The following GRIP2 variants were observed in gnomAD, a reference collection of about 807,000 sequenced individuals.
The protein encoded by GRIP2 is glutamate receptor-interacting protein 2.
Under a neutral mutation model 108.3 loss-of-function variants are expected in GRIP2, and 58 were observed. The observed-to-expected ratio is 0.54, with a 90% CI of 0.43 to 0.67. GRIP2 has a LOEUF of 0.67. Among genes scored for constraint, GRIP2 ranks in the 30% least tolerant of loss-of-function variants. The pLI, the probability that GRIP2 is intolerant of heterozygous loss-of-function variation, is 0.00. For synonymous variants in GRIP2, 586 were observed against 598.2 expected, an observed-to-expected ratio of 0.98 and a Z score of 0.30; for missense variants, 1,278 against 1,430.6, an observed-to-expected ratio of 0.89 and a Z score of 1.72.
the GRIP2 span, among the ~76,000 whole-genome samples, chr3:14,564,860 G>T: frequency 1.3e-5 from 2 of 152,330 alleles, no homozygotes; most frequent in East Asian, 1.9e-4. Flanking sequence ...GCCTGAAGCC[G>T]AGTGGGAATC....
intron 1 of GRIP2, among the ~76,000 whole-genome samples, chr3:14,547,521 G>C (rs993890111): frequency 1.3e-5 from 2 of 152,206 alleles, no homozygotes; most frequent in Non-Finnish European, 2.9e-5. Flanking sequence ...ATAAATAGGT[G>C]CCTCAAATGG....
chr3:14,599,717 G>GTT, the GRIP2 span, among the ~76,000 whole-genome samples: 2 of 146,490 alleles, frequency 1.4e-5, no homozygotes, highest in African/African-American at 5.0e-5. Context: ...GTGTGTTTGT[G>GTT]TGTGTGTGTG....
At chr3:14,546,677 G>T (rs891059906), upstream of GRIP2, among the ~76,000 whole-genome samples, 2 of 152,226 alleles carry the variant, frequency 1.3e-5, no homozygotes, top group South Asian at 2.1e-4. Context: ...ACAGGGCGTG[G>T]AGGGCAAATG....
intron 1 of GRIP2, among the ~76,000 whole-genome samples, chr3:14,526,704 C>T (rs1391244134): frequency 6.6e-6 from 1 of 152,138 alleles, no homozygotes; most frequent in Non-Finnish European, 1.5e-5. Context: ...TCATATTTTC[C>T]ATGTCTTCTT....
intron 1 of GRIP2, among the ~76,000 whole-genome samples, chr3:14,548,550 G>A (rs1015327185): frequency 6.6e-6 from 1 of 152,204 alleles, no homozygotes; most frequent in African/African-American, 2.4e-5. Flanking sequence ...ACCGGCTTTG[G>A]TGCCAGCGTC....
chr3:14,572,644 G>C, the GRIP2 span, among the ~76,000 whole-genome samples: 1 of 145,170 alleles, frequency 6.9e-6, no homozygotes, highest in African/African-American at 2.5e-5. Flanking sequence ...ACACAAGCTA[G>C]AAGATTATCA....
chr3:14,534,750 C>G (rs1389645736), intron 1 of GRIP2, among the ~76,000 whole-genome samples: 2 of 152,062 alleles, frequency 1.3e-5, no homozygotes, highest in Non-Finnish European at 2.9e-5. Context: ...CACGCTGCAG[C>G]CGGGGTGGGT....
chr3:14,566,708 C>G, the GRIP2 span, among the ~76,000 whole-genome samples: 2 of 152,152 alleles, frequency 1.3e-5, no homozygotes, highest in Non-Finnish European at 2.9e-5. Context: ...AGCCCCTGAC[C>G]CCTCCAATCT....
At chr3:14,515,988 ATAAT>A (rs1343555731) in intron 11 of GRIP2, among the ~76,000 whole-genome samples, 3 of 152,094 alleles carry the variant, frequency 2.0e-5, no homozygotes, top group Admixed American at 6.6e-5. Context: ...ACTATGCCCC[ATAAT>A]TAATTAATTA....
chr3:14,522,333 T>G lies in GRIP2; in HGVS notation c.567-546A>C, dbSNP rs1472269832. 1 of 152,160 alleles carries G rather than the reference T, an allele frequency of 6.6e-6. No homozygotes were observed. Among genetic ancestry groups the G allele is most frequent in the Non-Finnish European group, 1.5e-5 (1 of 68,620 alleles). 9.4% of individuals were successfully genotyped at this position (152,160 alleles called of 1,614,324 possible). Reference sequence around the variant, plus strand: ...GGGAGGGGCCCCAGCAGGGTTCACCTCGGTTTGGGTCGCATCCCCAGCCTG... The same window carrying G: ...GGGAGGGGCCCCAGCAGGGTTCACCGCGGTTTGGGTCGCATCCCCAGCCTG... On this transcript the variant is annotated intron_variant, in intron 6 of 23. Coordinates refer to ENST00000621039, the MANE Select transcript of GRIP2 (RefSeq NM_001080423.4). This position sits in a 1 kb window ranked among gnomAD's most constrained non-coding sequence, Gnocchi z 4.3.
the GRIP2 span, among the ~76,000 whole-genome samples, chr3:14,602,586 G>T: frequency 6.6e-6 from 1 of 151,580 alleles, no homozygotes; most frequent in Admixed American, 6.6e-5. The surrounding 1 kb of genome is among the most constrained non-coding windows in gnomAD (Gnocchi z 4.7). Flanking sequence ...AGCCCGACCC[G>T]CCGGCCGGGC....
chr3:14,525,549 C>T lies in GRIP2; in HGVS notation c.145G>A (p.Val49Met), dbSNP rs1559345783. The T allele has an allele frequency of 6.2e-7, 1 of 1,613,844 alleles. No homozygotes were observed. Among genetic ancestry groups the T allele is most frequent in the Non-Finnish European group, 8.5e-7 (1 of 1,179,854 alleles). ...IPEEFRGITVVELIKKEGSTL... is the reference protein window; with the variant it reads ...IPEEFRGITVMELIKKEGSTL... ...CTGCCTTCTTTCTTGATCAGCTCCACCACAGTGATCCCTCGGAACTCCTCT... is the reference window on the plus strand; with the variant it reads ...CTGCCTTCTTTCTTGATCAGCTCCATCACAGTGATCCCTCGGAACTCCTCT... The change falls in exon 3 of 24, where the codon GTG (valine) becomes ATG (methionine). Residue 49 changes from valine to methionine, a missense_variant. Coordinates refer to ENST00000621039, the MANE Select transcript of GRIP2 (RefSeq NM_001080423.4).
chr3:14,568,415 G>T, the GRIP2 span, among the ~76,000 whole-genome samples: 2 of 152,190 alleles, frequency 1.3e-5, no homozygotes, highest in Admixed American at 6.5e-5. Flanking sequence ...GGAGAAGTAT[G>T]TTCACTTTAC....
At chr3:14,563,984 C>G in the GRIP2 span, among the ~76,000 whole-genome samples, 1 of 152,212 alleles carries the variant, frequency 6.6e-6, no homozygotes, top group Admixed American at 6.5e-5. Flanking sequence ...CCATCTTCTG[C>G]CCTCCACCCT....
Position 14,507,299 on chromosome 3 carries a change from C to T in GRIP2, c.2218+262G>A, listed in dbSNP as rs1234005525. ...CAGCTGAGGAATGCATGAGTTATGG[C>T]CATGAAGCATACACACGTGAGCACC... is the stretch of plus-strand genomic sequence containing the variant. On this transcript the variant is annotated intron_variant, in intron 18 of 23. Coordinates refer to ENST00000621039, the MANE Select transcript of GRIP2 (RefSeq NM_001080423.4). This position sits in a 1 kb window ranked among gnomAD's most constrained non-coding sequence, Gnocchi z 4.6. Among the ~76,000 whole-genome samples, 1 of 152,180 alleles carries T rather than the reference C, an allele frequency of 6.6e-6. No individual in the cohort carries two copies. The highest frequency in any genetic ancestry group is 2.4e-5 in the African/African-American group (1 of 41,436).
the GRIP2 span, among the ~76,000 whole-genome samples, chr3:14,578,910 T>A: frequency 6.6e-6 from 1 of 151,536 alleles, no homozygotes; most frequent in Non-Finnish European, 1.5e-5. Context: ...GACCTAACAG[T>A]TTCTTATAAA....
rs1559328205 is a variant in GRIP2, at chr3:14,494,830, GC to G, written c.2970+12del. On this transcript the variant is annotated intron_variant, in intron 23 of 23. Transcript: ENST00000621039. Reference sequence around the variant, plus strand: ...ATGCCACCCCCACTATGGAGCCCCTGCCCCAGCATTACCTGCAGGACCCTGT... The same window carrying G: ...ATGCCACCCCCACTATGGAGCCCCTGCCCAGCATTACCTGCAGGACCCTGT... 6.2e-7 allele frequency: 1 copy of G among 1,607,920 alleles called. No individual in the cohort carries two copies. The highest frequency in any genetic ancestry group is 8.5e-7 in the Non-Finnish European group (1 of 1,176,326).
chr3:14,562,378 T>C, the GRIP2 span, among the ~76,000 whole-genome samples: 2 of 152,214 alleles, frequency 1.3e-5, no homozygotes, highest in African/African-American at 4.8e-5. Flanking sequence ...CTGGGACAAC[T>C]TGAACATCAG....
intron 3 of GRIP2, among the ~76,000 whole-genome samples, chr3:14,524,997 GT>G (rs1385109531): frequency 2.0e-5 from 3 of 152,248 alleles, no homozygotes; most frequent in Non-Finnish European, 4.4e-5. Context: ...ATCAGACAAT[GT>G]GTGCAGAAAT....
Sources: allele counts gnomAD v4.1 joint callset (sites outside exome capture counted in the v4.1 genomes callset), GRCh38; gene constraint gnomAD v4.1.1; non-coding constraint Gnocchi (gnomAD v3.1); transcripts MANE v1.5; gene names NCBI Gene and HGNC (gene_info 2026-07-23, HGNC 2026-07-21).